The following CD5L variants were observed in gnomAD, a reference collection of about 807,000 sequenced individuals.
The protein encoded by CD5L is CD5 molecule like.
A neutral mutation model predicts 40.8 loss-of-function variants in CD5L; 39 were observed. The ratio of observed to expected loss-of-function variants is 0.96; its 90% CI spans 0.74 to 1.25. The LOEUF is 1.25. CD5L is among the 50% of genes most tolerant of loss of function. The pLI, the probability that CD5L is intolerant of heterozygous loss-of-function variation, is 0.00. For synonymous variants in CD5L, 192 were observed against 169.6 expected (o/e 1.13, Z -1.03); for missense variants, 433 against 435.9 (o/e 0.99, Z 0.06).
chr1:157,830,945 GT>G lies in CD5L; in HGVS notation c.*1018del. The G allele has an allele frequency of 1.0e-6, 1 of 985,042 alleles. No homozygotes were observed. Among genetic ancestry groups the G allele is most frequent in the Non-Finnish European group, 1.2e-6 (1 of 829,578 alleles). The allele number at this position is 985,042 out of a possible 1,614,324, so 61.0% of individuals were successfully genotyped here. On this transcript the variant is annotated 3_prime_UTR_variant, in exon 6 of 6. Coordinates refer to ENST00000368174, the MANE Select transcript of CD5L (RefSeq NM_005894.3). Reference sequence around the variant, plus strand: ...CTGTGAAATCTGATTTATTAGATAAGTGTAAATGTGTAAATGTAGCCGTATA... The same window carrying G: ...CTGTGAAATCTGATTTATTAGATAAGGTAAATGTGTAAATGTAGCCGTATA...
At chr1:157,833,652 C>G (rs946880511) in intron 4 of CD5L, 140 bp from the exon 5 acceptor site, 31 of 705,892 alleles carry the variant, frequency 4.4e-5, no homozygotes, top group Non-Finnish European at 6.2e-5. Flanking sequence ...GTTGCCCAGG[C>G]TGGAGTGTAG....
At chr1:157,827,657 T>C (rs888657350), downstream of CD5L, among the ~76,000 whole-genome samples, 1 of 152,178 alleles carries the variant, frequency 6.6e-6, no homozygotes. Flanking sequence ...CTCAATCTAC[T>C]GATACAAATG....
chr1:157,831,279 G>C lies in CD5L; in HGVS notation c.*685C>G. The C allele has an allele frequency of 1.0e-6, 1 of 985,284 alleles. No individual in the cohort carries two copies. Among genetic ancestry groups the C allele is most frequent in the Non-Finnish European group, 1.2e-6 (1 of 829,862 alleles). 61.0% of individuals were successfully genotyped at this position (985,284 alleles called of 1,614,324 possible). On this transcript the variant is annotated 3_prime_UTR_variant, in exon 6 of 6. Coordinates refer to ENST00000368174, the MANE Select transcript of CD5L (RefSeq NM_005894.3). ...AGGTTGTATAGGGATGGACAACAAA[G>C]ATTTTTATTGGGGCAATCAGAGGAT...
rs747673268 is a variant in CD5L at position 157,833,279 on chromosome 1, C to G, written c.952G>C (p.Glu318Gln). The G allele has an allele frequency of 1.9e-6, 3 of 1,614,188 alleles. No homozygotes were observed. Among genetic ancestry groups the G allele is most frequent in the East Asian group, 2.2e-5 (1 of 44,880 alleles). The change falls in exon 5 of 6, where the codon GAG (glutamate) becomes CAG (glutamine). Residue 318 changes from glutamate (E) to glutamine (Q), a missense_variant. Coordinates refer to ENST00000368174, the MANE Select transcript of CD5L (RefSeq NM_005894.3). Reference protein sequence around the residue: ...IWLDNVRCSGEEQSLEQCQHR... With the variant: ...IWLDNVRCSGQEQSLEQCQHR... ...TGGCACTGCTCCAGGGACTGCTCCT[C>G]CCCTGAGCAACGAACATTATCCAGC...
chr1:157,833,138 C>T (rs1315765724), intron 5 of CD5L, 54 bp downstream of exon 5: 10 of 1,416,744 alleles, frequency 7.1e-6, no homozygotes, highest in African/African-American at 2.8e-5. Context: ...ATCATTTCCT[C>T]TTCCTTTATC....
At position 157,832,072 on chromosome 1, in the gene CD5L, A is replaced by G. The variant is rs147557606; in HGVS notation, c.1040-104T>C. On this transcript the variant is annotated intron_variant, in intron 5 of 5. Transcript: ENST00000368174. ...AAGGGAGAAGACTGGGGCTCAACAT[A>G]GGAAAAAGAGCTAAGCCATGTACAG... 3.3e-6 allele frequency: 3 copies of G among 911,506 alleles called. No homozygotes were observed. The African/African-American group carries it at 5.0e-5, about 15-fold the overall frequency. The allele number at this position is 911,506 out of a possible 1,614,324, so 56.5% of individuals were successfully genotyped here. A position where few individuals can be genotyped will look rare whatever the true frequency, so the allele number is the denominator to read the frequency against.
At chr1:157,838,562 A>T (rs945941892) in intron 2 of CD5L, among the ~76,000 whole-genome samples, 1 of 152,158 alleles carries the variant, frequency 6.6e-6, no homozygotes, top group African/African-American at 2.4e-5. Context: ...ATAAATAAAA[A>T]ATAAAAAACA....
chr1:157,833,522 G>T lies in CD5L; in HGVS notation c.719-10C>A, dbSNP rs202210581. On this transcript the variant is annotated splice_polypyrimidine_tract_variant and intron_variant, in intron 4 of 5. Transcript: ENST00000368174. The stretch of plus-strand genomic sequence containing the variant: ...CTCAAGTCAAAGGGATCTGCAGGAT[G>T]GGGGAGGAAGTCAGGGGTTGGAGAC... 2.5e-6 allele frequency: 4 copies of T among 1,591,256 alleles called. No homozygotes were observed. The highest frequency in any genetic ancestry group is 1.7e-4 in the Middle Eastern group (1 of 6,002).
intron 2 of CD5L, among the ~76,000 whole-genome samples, chr1:157,836,763 T>C (rs1371409025): frequency 6.6e-6 from 1 of 152,306 alleles, no homozygotes; most frequent in East Asian, 1.9e-4. Flanking sequence ...CTGCTTCCTA[T>C]GAAATTGTTC....
chr1:157,836,784 C>T (rs775634659), intron 2 of CD5L, among the ~76,000 whole-genome samples: 21 of 152,152 alleles, frequency 1.4e-4, no homozygotes, highest in Admixed American at 6.5e-4. Flanking sequence ...CTTGTTCAAG[C>T]GCCCATCTCA....
Position 157,833,261 on chromosome 1 carries a change from G to T in CD5L, c.970C>A (p.Gln324Lys), listed in dbSNP as rs144524785. Reference protein sequence around the residue: ...RCSGEEQSLEQCQHRFWGFHD... With the variant: ...RCSGEEQSLEKCQHRFWGFHD... ...AACCCCCAAAATCTGTGCTGGCACT[G>T]CTCCAGGGACTGCTCCTCCCCTGAG... is the stretch of plus-strand genomic sequence containing the variant. The change falls in exon 5 of 6, where the codon CAG becomes AAG. Residue 324 changes from glutamine (Q) to lysine (K), a missense_variant. By Grantham distance (53) the Gln-to-Lys change is moderately conservative. Transcript: ENST00000368174. The T allele has an allele frequency of 3.5e-5, 56 of 1,614,184 alleles. No individual in the cohort carries two copies. In the African/African-American group the frequency reaches 6.9e-4, roughly 20 times the overall value.
At position 157,834,574 on chromosome 1, in the gene CD5L, G is replaced by C. The variant is rs1057298009; in HGVS notation, c.551C>G (p.Ala184Gly). The C allele has an allele frequency of 6.2e-7, 1 of 1,614,154 alleles. No individual in the cohort carries two copies. Among genetic ancestry groups the C allele is most frequent in the African/African-American group, 1.3e-5 (1 of 75,048 alleles). Reference sequence around the variant, plus strand: ...GTTGCAGCGTTTTTGAGTCAGTACAGCCCTCCCACATCCCAGCTGCCGGCA... The same window carrying C: ...GTTGCAGCGTTTTTGAGTCAGTACACCCCTCCCACATCCCAGCTGCCGGCA... ...VVCRQLGCGR[A>G]VLTQKRCNKH... is the part of the protein sequence containing the mutation. Residue 184 changes from alanine to glycine, a missense_variant, in exon 4 of 6, where the codon GCT becomes GGT. Physicochemically the swap from Ala to Gly is moderately conservative, Grantham distance 60. Coordinates refer to ENST00000368174, the MANE Select transcript of CD5L (RefSeq NM_005894.3).
At position 157,833,232 on chromosome 1, in the gene CD5L, G is replaced by T; in HGVS notation, c.999C>A (p.His333Gln). 1 of 1,614,038 alleles carries T rather than the reference G, an allele frequency of 6.2e-7. No homozygotes were observed. Among genetic ancestry groups the T allele is most frequent in the Non-Finnish European group, 8.5e-7 (1 of 1,179,990 alleles). ...CCACATCTTCCTGGTGGGTGCAGTC[G>T]TGAAACCCCCAAAATCTGTGCTGGC... is the stretch of plus-strand genomic sequence containing the variant. ...EQCQHRFWGF[H>Q]DCTHQEDVAV... Residue 333 changes from histidine (H) to glutamine (Q), a missense_variant, in exon 5 of 6, where the codon CAC (histidine) becomes CAA (glutamine). Transcript: ENST00000368174.
rs866747126 is a variant in CD5L at position 157,832,009 on chromosome 1, T to C, written c.1040-41A>G. ...GAAAATGCAGTAAGGATGGGTATAG[T>C]CCAGGAAGGAATTATTCAGTTGAAA... On this transcript the variant is annotated intron_variant, in intron 5 of 5. Coordinates refer to ENST00000368174, the MANE Select transcript of CD5L (RefSeq NM_005894.3). 39 of 1,449,512 alleles carry C rather than the reference T, an allele frequency of 2.7e-5. 1 individual carries two copies. In the Middle Eastern group the frequency reaches 6.6e-3, roughly 247 times the overall value. 89.8% of individuals were successfully genotyped at this position (1,449,512 alleles called of 1,614,324 possible). A position where few individuals can be genotyped will look rare whatever the true frequency, so the allele number is the denominator to read the frequency against.
chr1:157,833,363 A>G lies in CD5L; in HGVS notation c.868T>C (p.Ser290Pro), dbSNP rs1029644982. 3 of 1,614,018 alleles carry G rather than the reference A, an allele frequency of 1.9e-6. No individual in the cohort carries two copies. In the East Asian group the frequency reaches 6.7e-5, roughly 36 times the overall value. ...VVCKQLGCGK[S>P]LSPSFRDRKC... The stretch of plus-strand genomic sequence containing the variant: ...CGGTCTCTGAAGGAGGGAGAGAGGG[A>G]CTTCCCACAGCCCAGTTGCTTGCAT... Residue 290 changes from serine to proline, a missense_variant, in exon 5 of 6, where the codon TCC (serine) becomes CCC (proline). Physicochemically the swap from Ser to Pro is moderately conservative, Grantham distance 74. Transcript: ENST00000368174.
chr1:157,833,289 A>G lies in CD5L; in HGVS notation c.942T>C (p.Arg314=), dbSNP rs769659679. ...CCAGGGACTGCTCCTCCCCTGAGCA[A>G]CGAACATTATCCAGCCAGATGCGGC... The part of the protein sequence containing the change: ...GVGRIWLDNV[R]CSGEEQSLEQ... The change falls in exon 5 of 6, where the codon CGT becomes CGC. Residue 314 remains arginine, a synonymous_variant. Coordinates refer to ENST00000368174, the MANE Select transcript of CD5L (RefSeq NM_005894.3). The G allele has an allele frequency of 3.7e-6, 6 of 1,614,184 alleles. No individual in the cohort carries two copies. The highest frequency in any genetic ancestry group is 5.1e-6 in the Non-Finnish European group (6 of 1,180,028).
chr1:157,834,593 G>A lies in CD5L; in HGVS notation c.532C>T (p.Gln178Ter), dbSNP rs1164447478. The change falls in exon 4 of 6, where the codon CAG becomes TAG. Residue 178 changes from glutamine (Q) to a stop codon, truncating the protein, a stop_gained. Transcript: ENST00000368174. LOFTEE classifies it high-confidence loss of function. ...SLRAAKVVCR[Q>*]LGCGRAVLTQ... is the part of the protein sequence containing the mutation. ...AGTACAGCCCTCCCACATCCCAGCT[G>A]CCGGCACACCACCTTTGCGGCCCGG... The A allele has an allele frequency of 3.1e-6, 5 of 1,614,054 alleles. No individual in the cohort carries two copies. The East Asian group carries it at 6.7e-5, about 22-fold the overall frequency.
chr1:157,838,466 T>C (rs192036885), intron 2 of CD5L, among the ~76,000 whole-genome samples: 2 of 152,166 alleles, frequency 1.3e-5, no homozygotes, highest in African/African-American at 4.8e-5. Flanking sequence ...ATATTTTCTT[T>C]CCTTGCTGAT....
rs753760740 is a variant in CD5L, at chr1:157,830,936, A to T, written c.*1028T>A. 6.1e-6 allele frequency: 6 copies of T among 984,780 alleles called. No individual in the cohort carries two copies. Among genetic ancestry groups the T allele is most frequent in the Non-Finnish European group, 6.0e-6 (5 of 829,420 alleles). The allele number at this position is 984,780 out of a possible 1,614,324, so 61.0% of individuals were successfully genotyped here. ...TTGTTGAGACTGTGAAATCTGATTT[A>T]TTAGATAAGTGTAAATGTGTAAATG... On this transcript the variant is annotated 3_prime_UTR_variant, in exon 6 of 6. Coordinates refer to ENST00000368174, the MANE Select transcript of CD5L (RefSeq NM_005894.3).
Sources: gnomAD v4.1 joint callset for allele counts (sites outside exome capture counted in the v4.1 genomes callset) on GRCh38, gnomAD v4.1.1 for gene constraint, MANE v1.5 for transcripts, NCBI Gene and HGNC (gene_info 2026-07-23, HGNC 2026-07-21) for gene names.